Variants in MOSMO observed in about 807,000 individuals in gnomAD.
MOSMO encodes the protein modulator of smoothened protein.
A neutral mutation model predicts 18.4 loss-of-function variants in MOSMO; 5 were observed. That is an observed-to-expected ratio of 0.27 (90% confidence interval 0.14 to 0.57). MOSMO has a LOEUF of 0.57. Ranked by LOEUF, MOSMO falls within the 20% of genes least tolerant of loss-of-function variation. MOSMO has a pLI of 0.92. For synonymous variants in MOSMO, 82 were observed against 82.3 expected, an observed-to-expected ratio of 1.00 and a Z score of 0.02; for missense variants, 138 against 211.8, an observed-to-expected ratio of 0.65 and a Z score of 2.16.
At chr16:22,013,840 C>T (rs1192366539) in intron 1 of MOSMO, among the ~76,000 whole-genome samples, 3 of 143,284 alleles carry the variant, frequency 2.1e-5, no homozygotes, top group Non-Finnish European at 4.5e-5. Flanking sequence ...TATTTTCATT[C>T]TTGTTGTTTT....
Position 22,081,592 on chromosome 16 carries a change from T to C in MOSMO, c.*712T>C, listed in dbSNP as rs1250841518. 1 of 149,620 alleles carries C rather than the reference T, an allele frequency of 6.7e-6. No homozygotes were observed. The highest frequency in any genetic ancestry group is 2.4e-5 in the African/African-American group (1 of 40,966). 9.3% of individuals were successfully genotyped at this position (149,620 alleles called of 1,614,324 possible). ...TATAAATATATATAATATATATATT[T>C]TGCTGATGCAGTATACAGTGTGTAT... On this transcript the variant is annotated 3_prime_UTR_variant, in exon 3 of 3. Coordinates refer to ENST00000542527, the MANE Select transcript of MOSMO (RefSeq NM_001164579.2).
chr16:22,025,389 A>G (rs1696614534), intron 1 of MOSMO, among the ~76,000 whole-genome samples: 1 of 152,208 alleles, frequency 6.6e-6, no homozygotes, highest in Non-Finnish European at 1.5e-5. Flanking sequence ...AATAAATATT[A>G]AGTTGTAGAT....
intron 1 of MOSMO, among the ~76,000 whole-genome samples, chr16:22,053,842 G>A (rs1333336355): frequency 6.6e-6 from 1 of 152,046 alleles, no homozygotes; most frequent in African/African-American, 2.4e-5. Flanking sequence ...GAAAAGAAAC[G>A]GAGTAGTTGG....
intron 1 of MOSMO, 51 bp from the exon 2 acceptor site, chr16:22,075,436 C>A: frequency 7.1e-7 from 1 of 1,415,930 alleles, no homozygotes; most frequent in Non-Finnish European, 9.6e-7. Flanking sequence ...AGGAATATTC[C>A]CTGGACAGGC....
chr16:22,066,614 G>C (rs1900753091), intron 1 of MOSMO, among the ~76,000 whole-genome samples: 1 of 152,164 alleles, frequency 6.6e-6, no homozygotes, highest in Admixed American at 6.5e-5. Context: ...CAAAGGCTGA[G>C]AGTCTTATTG....
At chr16:22,064,594 T>C (rs1181770409) in intron 1 of MOSMO, among the ~76,000 whole-genome samples, 1 of 152,234 alleles carries the variant, frequency 6.6e-6, no homozygotes, top group African/African-American at 2.4e-5. Flanking sequence ...ACTCTTAATT[T>C]CTTTTAGATC....
intron 1 of MOSMO, among the ~76,000 whole-genome samples, chr16:22,070,809 T>C (rs1900833824): frequency 6.6e-6 from 1 of 152,156 alleles, no homozygotes; most frequent in South Asian, 2.1e-4. Flanking sequence ...CGTAGGCTGT[T>C]GTTTTGTTTT....
chr16:22,040,059 A>C (rs1479394979), intron 1 of MOSMO, among the ~76,000 whole-genome samples: 1 of 152,254 alleles, frequency 6.6e-6, no homozygotes, highest in Non-Finnish European at 1.5e-5. Context: ...TAGGAACTGG[A>C]AGTAGAGAAA....
chr16:22,032,163 G>A (rs918974096), intron 1 of MOSMO, among the ~76,000 whole-genome samples: 5 of 149,118 alleles, frequency 3.4e-5, no homozygotes, highest in African/African-American at 1.2e-4. Flanking sequence ...TTGGATAAAA[G>A]TCTATTCTGA....
intron 1 of MOSMO, among the ~76,000 whole-genome samples, chr16:22,019,261 T>C (rs897877975): frequency 6.6e-6 from 1 of 152,208 alleles, no homozygotes; most frequent in Admixed American, 6.5e-5. Context: ...CCCGCATGAA[T>C]GTACATTCTA....
chr16:22,062,948 G>T (rs954404912), intron 1 of MOSMO, among the ~76,000 whole-genome samples: 2 of 152,186 alleles, frequency 1.3e-5, no homozygotes, highest in Non-Finnish European at 2.9e-5. Flanking sequence ...TGCCTCCCAG[G>T]TTCAAGCGAT....
chr16:22,014,614 A>G (rs1291496138), intron 1 of MOSMO, among the ~76,000 whole-genome samples: 2 of 152,206 alleles, frequency 1.3e-5, no homozygotes. Context: ...AAACACTAAA[A>G]TTACAAGTTG....
intron 1 of MOSMO, among the ~76,000 whole-genome samples, chr16:22,035,177 TTGAG>T (rs1900083052): frequency 6.6e-6 from 1 of 152,084 alleles, no homozygotes; most frequent in African/African-American, 2.4e-5. Flanking sequence ...ATCTCAGTCT[TTGAG>T]TGAGCCTGTG....
downstream of MOSMO, chr16:22,084,697 T>C (rs1201342329): frequency 1.3e-5 from 2 of 152,176 alleles, no homozygotes; most frequent in Non-Finnish European, 2.9e-5. Flanking sequence ...AAAAATTGAT[T>C]TCTTATGGAG....
chr16:22,017,359 A>G (rs1899661439), intron 1 of MOSMO, among the ~76,000 whole-genome samples: 2 of 152,136 alleles, frequency 1.3e-5, no homozygotes, highest in South Asian at 4.1e-4. Context: ...TAAATTTCAT[A>G]TTTACAGCTT....
intron 1 of MOSMO, among the ~76,000 whole-genome samples, chr16:22,029,305 G>A (rs1354938120): frequency 1.3e-5 from 2 of 152,146 alleles, no homozygotes; most frequent in Non-Finnish European, 2.9e-5. Context: ...AAATGAAATA[G>A]GGTTGCCTGT....
chr16:22,077,003 A>G (rs1900982776), intron 2 of MOSMO, among the ~76,000 whole-genome samples: 1 of 152,214 alleles, frequency 6.6e-6, no homozygotes, highest in Admixed American at 6.5e-5. Flanking sequence ...GAGGGTCCAG[A>G]AGCAATCGTA....
intron 1 of MOSMO, among the ~76,000 whole-genome samples, chr16:22,074,049 A>G (rs1308453248): frequency 6.6e-6 from 1 of 152,154 alleles, no homozygotes; most frequent in Non-Finnish European, 1.5e-5. Context: ...CTAAAAATAC[A>G]TCAATGGCCA....
At chr16:22,037,183 T>A (rs1900125851) in intron 1 of MOSMO, among the ~76,000 whole-genome samples, 1 of 152,092 alleles carries the variant, frequency 6.6e-6, no homozygotes, top group African/African-American at 2.4e-5. Flanking sequence ...GGTGGGAGGA[T>A]CACTTGAACC....
Sources: gnomAD v4.1 joint callset for allele counts (sites outside exome capture counted in the v4.1 genomes callset) on GRCh38, gnomAD v4.1.1 for gene constraint, MANE v1.5 for transcripts, NCBI Gene and HGNC (gene_info 2026-07-23, HGNC 2026-07-21) for gene names.